The following INPP4B variants were observed in gnomAD, a reference collection of about 807,000 sequenced individuals.
INPP4B encodes inositol polyphosphate 4-phosphatase type II.
In INPP4B, 55 loss-of-function variants were observed where a neutral mutation model predicts 122.5. The ratio of observed to expected loss-of-function variants is 0.45; its 90% CI spans 0.36 to 0.56. The LOEUF is 0.56. INPP4B is among the 20% of genes least tolerant of loss of function. INPP4B has a pLI of 0.00. For synonymous variants in INPP4B, 403 were observed against 388.7 expected, an observed-to-expected ratio of 1.04 and a Z score of -0.43; for missense variants, 1,000 against 1,097.7, an observed-to-expected ratio of 0.91 and a Z score of 1.26.
In INPP4B at chr4:142,140,335, G is replaced by GCATACTTGT. The variant is rs1807110947; in HGVS notation, c.1720+5504_1720+5505insACAAGTATG. ...CATAGGATATTTGGCCTTTTACAGG[G>GCATACTTGT]CATTTCATGACATACTTGTGAAAGA... On this transcript the variant is annotated intron_variant, in intron 18 of 25. Transcript: ENST00000262992. 3.3e-5 allele frequency among the ~76,000 whole-genome samples: 5 copies of GCATACTTGT among 152,278 alleles called. No homozygotes were observed. The South Asian group carries it at 1.0e-3, about 32-fold the overall frequency.
At chr4:142,760,048 C>T (rs1209841768) in intron 1 of INPP4B, among the ~76,000 whole-genome samples, 1 of 151,962 alleles carries the variant, frequency 6.6e-6, no homozygotes, top group Non-Finnish European at 1.5e-5. Context: ...TATTTGTTGG[C>T]ATTTTTTATG....
chr4:142,802,323 C>T (rs909573392), intron 1 of INPP4B, among the ~76,000 whole-genome samples: 1 of 152,142 alleles, frequency 6.6e-6, no homozygotes, highest in Non-Finnish European at 1.5e-5. Context: ...CTAAAGTTTT[C>T]TTCTAGATAA....
chr4:142,634,871 T>C (rs900459681), intron 2 of INPP4B, among the ~76,000 whole-genome samples: 2 of 151,190 alleles, frequency 1.3e-5, no homozygotes, highest in African/African-American at 4.9e-5. Context: ...AATGAAAATA[T>C]TATTATTTGC....
At chr4:142,030,134 G>GT in intron 25 of INPP4B, 1 of 1,532,990 alleles carries the variant, frequency 6.5e-7, no homozygotes, top group South Asian at 1.2e-5. Flanking sequence ...AAACTTATTG[G>GT]TATTTGGCTA....
At chr4:142,376,825 C>T (rs1412472245) in intron 7 of INPP4B, among the ~76,000 whole-genome samples, 1 of 152,008 alleles carries the variant, frequency 6.6e-6, no homozygotes, top group Non-Finnish European at 1.5e-5. Context: ...AATTCAGTTT[C>T]CAGTTGCCTA....
At chr4:142,458,670 T>C (rs1452017110) in intron 3 of INPP4B, among the ~76,000 whole-genome samples, 1 of 152,000 alleles carries the variant, frequency 6.6e-6, no homozygotes, top group African/African-American at 2.4e-5. Flanking sequence ...GGCACAGAAA[T>C]ATTCACTCAT....
chr4:142,198,915 C>A (rs1365413633), intron 14 of INPP4B, among the ~76,000 whole-genome samples: 1 of 151,936 alleles, frequency 6.6e-6, no homozygotes, highest in Non-Finnish European at 1.5e-5. Context: ...CTGTTCTTTA[C>A]CCTTGTAAAT....
chr4:142,731,400 C>T (rs535758570), intron 1 of INPP4B, among the ~76,000 whole-genome samples: 2 of 152,118 alleles, frequency 1.3e-5, no homozygotes, highest in East Asian at 1.9e-4. Context: ...AAGATTGCTA[C>T]AAGATAAATA....
At chr4:142,370,610 C>A (rs1789536220) in intron 7 of INPP4B, among the ~76,000 whole-genome samples, 1 of 151,642 alleles carries the variant, frequency 6.6e-6, no homozygotes. Flanking sequence ...TTACAGGATA[C>A]AAAATACACA....
intron 3 of INPP4B, among the ~76,000 whole-genome samples, chr4:142,452,564 G>A (rs1814534382): frequency 6.6e-6 from 1 of 152,192 alleles, no homozygotes; most frequent in Non-Finnish European, 1.5e-5. Flanking sequence ...GAAACTGGTA[G>A]TCATCTCCTT....
rs1040460917 is a variant in INPP4B, at chr4:142,027,406, G to T, written c.*1376C>A. 1.3e-5 allele frequency: 2 copies of T among 152,172 alleles called. No homozygotes were observed. Among genetic ancestry groups the T allele is most frequent in the African/African-American group, 4.8e-5 (2 of 41,452 alleles). The allele number at this position is 152,172 out of a possible 1,614,324, so 9.4% of individuals were successfully genotyped here. The stretch of plus-strand genomic sequence containing the variant: ...AGAAGCCTCTGTTATTTTCAAGGGA[G>T]ATTTATGCTTTGGATAGCATGCTCT... On this transcript the variant is annotated 3_prime_UTR_variant, in exon 26 of 26. Coordinates refer to ENST00000262992, the MANE Select transcript of INPP4B (RefSeq NM_001101669.3).
intron 1 of INPP4B, among the ~76,000 whole-genome samples, chr4:142,814,949 G>A (rs978360988): frequency 1.3e-5 from 2 of 152,096 alleles, no homozygotes; most frequent in African/African-American, 4.8e-5. Context: ...GAGTAACGAT[G>A]GGGTGCTGCA....
chr4:142,455,506 T>A (rs1210770549), intron 3 of INPP4B, among the ~76,000 whole-genome samples: 1 of 152,100 alleles, frequency 6.6e-6, no homozygotes, highest in African/African-American at 2.4e-5. Context: ...TCTTTTTTTA[T>A]GGCTGAAGAG....
chr4:142,250,383 A>C (rs1399166408), intron 11 of INPP4B, among the ~76,000 whole-genome samples: 1 of 152,220 alleles, frequency 6.6e-6, no homozygotes, highest in East Asian at 1.9e-4. Flanking sequence ...CCCACTCAGT[A>C]AGTACTTCAT....
chr4:142,056,084 A>G (rs1157608705), intron 25 of INPP4B, among the ~76,000 whole-genome samples: 2 of 151,922 alleles, frequency 1.3e-5, no homozygotes, highest in South Asian at 2.1e-4. Context: ...TTGAGTTCCT[A>G]TGAGAATCGA....
At chr4:142,447,622 A>C (rs1211763020) in intron 3 of INPP4B, among the ~76,000 whole-genome samples, 1 of 152,200 alleles carries the variant, frequency 6.6e-6, no homozygotes, top group African/African-American at 2.4e-5. Flanking sequence ...AATCACCCTG[A>C]AGGATCACAG....
intron 2 of INPP4B, among the ~76,000 whole-genome samples, chr4:142,635,400 A>C (rs1281690424): frequency 6.6e-6 from 1 of 152,194 alleles, no homozygotes; most frequent in African/African-American, 2.4e-5. Flanking sequence ...ATAAAGACAC[A>C]TGCACATTAA....
At chr4:142,299,112 G>T (rs1210765123) in intron 9 of INPP4B, among the ~76,000 whole-genome samples, 1 of 151,274 alleles carries the variant, frequency 6.6e-6, no homozygotes, top group African/African-American at 2.4e-5. Context: ...ATTTGCTGTT[G>T]ACTCACATGT....
rs142224065 is a variant in INPP4B, at chr4:142,164,119, C to A, written c.1360-3558G>T. The stretch of plus-strand genomic sequence containing the variant: ...CATTTTTCCAATTCATATCCCCATA[C>A]AACTATTCTTCAAAGCAACACACAG... On this transcript the variant is annotated intron_variant, in intron 16 of 25. Transcript: ENST00000262992. Among the ~76,000 whole-genome samples, 433 of 151,938 alleles carry A rather than the reference C, an allele frequency of 2.8e-3. 1 individual carries two copies. Among genetic ancestry groups the A allele is most frequent in the African/African-American group, 0.01 (417 of 41,508 alleles).
Sources: gnomAD v4.1 joint callset for allele counts (sites outside exome capture counted in the v4.1 genomes callset) on GRCh38, gnomAD v4.1.1 for gene constraint, MANE v1.5 for transcripts, NCBI Gene and HGNC (gene_info 2026-07-23, HGNC 2026-07-21) for gene names.